TTC39B: variants seen among roughly 807,000 people sequenced by gnomAD.
TTC39B encodes the protein tetratricopeptide repeat domain 39B.
TTC39B carries 92 observed loss-of-function variants against 96.6 expected under a neutral mutation model. That is an observed-to-expected ratio of 0.95 (90% CI 0.80 to 1.13). The LOEUF (loss-of-function observed/expected upper bound fraction) is 1.13, where lower values mean the gene tolerates loss of function less well. TTC39B is among the 50% of genes most tolerant of loss of function. The probability of loss-of-function intolerance (pLI) is 0.00; values close to 1 mark genes in which losing one functional copy is unlikely to be tolerated. For synonymous variants in TTC39B, 367 were observed against 299.4 expected (o/e 1.23, Z -2.33); for missense variants, 955 against 809.3 (o/e 1.18, Z -2.18).
At chr9:15,209,337 G>T (rs1315740522) in intron 6 of TTC39B, among the ~76,000 whole-genome samples, 2 of 152,102 alleles carry the variant, frequency 1.3e-5, no homozygotes, top group Non-Finnish European at 2.9e-5. Flanking sequence ...TCTGATCAGG[G>T]TGCCGCAGCC....
intron 2 of TTC39B, 74 bp downstream of exon 2, chr9:15,267,840 G>A: frequency 7.2e-7 from 1 of 1,379,668 alleles, no homozygotes; most frequent in African/African-American, 1.5e-5. Flanking sequence ...AAATGAGAAT[G>A]AAATATTTAC....
At chr9:15,254,842 CACACACACACACACACACAA>C (rs1428220123) in intron 2 of TTC39B, among the ~76,000 whole-genome samples, 1 of 142,668 alleles carries the variant, frequency 7.0e-6, no homozygotes, top group African/African-American at 2.8e-5. Flanking sequence ...CACACACACA[CACACACACACACACACACAA>C]ACACACACAC....
At chr9:15,212,630 T>C (rs1820273165) in intron 4 of TTC39B, among the ~76,000 whole-genome samples, 1 of 152,126 alleles carries the variant, frequency 6.6e-6, no homozygotes, top group Non-Finnish European at 1.5e-5. Flanking sequence ...TTTCTCCCTG[T>C]TGGTCAGGCT....
At chr9:15,239,109 C>G (rs1821919624) in intron 2 of TTC39B, among the ~76,000 whole-genome samples, 1 of 151,864 alleles carries the variant, frequency 6.6e-6, no homozygotes, top group South Asian at 2.1e-4. Context: ...AAGGCCTGAA[C>G]AGATATTTCT....
At chr9:15,178,107 G>T (rs1278175810) in intron 17 of TTC39B, among the ~76,000 whole-genome samples, 3 of 151,978 alleles carry the variant, frequency 2.0e-5, no homozygotes, top group Non-Finnish European at 2.9e-5. Context: ...CTGACCTCAT[G>T]ATCCACCCAC....
chr9:15,224,434 T>G (rs1159495619), intron 3 of TTC39B: 1 of 152,344 alleles, frequency 6.6e-6, no homozygotes, highest in African/African-American at 2.4e-5. Flanking sequence ...GGTCACTGTC[T>G]CAGCCATGCT....
At chr9:15,285,024 G>C (rs10961956) in intron 1 of TTC39B, among the ~76,000 whole-genome samples, 13,063 of 152,124 alleles carry the variant, frequency 0.086, 860 homozygotes, top group African/African-American at 0.19. Context: ...CACTTTGGGA[G>C]GCCGAGGCGA....
At chr9:15,294,438 TG>T (rs1289470748) in intron 1 of TTC39B, among the ~76,000 whole-genome samples, 2 of 152,212 alleles carry the variant, frequency 1.3e-5, no homozygotes, top group African/African-American at 4.8e-5. Flanking sequence ...TTGACCAAAA[TG>T]TTTGGAGAAA....
At chr9:15,210,191 T>C (rs531328467) in intron 5 of TTC39B, 27 bp from the exon 6 acceptor site, 16 of 1,433,964 alleles carry the variant, frequency 1.1e-5, no homozygotes, top group African/African-American at 7.2e-5. Context: ...AAAAGGGAGA[T>C]AGAAAATAGA....
intron 6 of TTC39B, among the ~76,000 whole-genome samples, chr9:15,208,644 C>T (rs1214221458): frequency 6.6e-6 from 1 of 152,140 alleles, no homozygotes; most frequent in Admixed American, 6.5e-5. Flanking sequence ...TAAATACATT[C>T]TTACAAATAG....
At chr9:15,265,989 T>C (rs1823116181) in intron 2 of TTC39B, among the ~76,000 whole-genome samples, 1 of 152,172 alleles carries the variant, frequency 6.6e-6, no homozygotes, top group Admixed American at 6.5e-5. Context: ...TGTAAAGTGG[T>C]ATCTTGGGTG....
chr9:15,240,908 C>A (rs1822008704), intron 2 of TTC39B, among the ~76,000 whole-genome samples: 1 of 152,168 alleles, frequency 6.6e-6, no homozygotes, highest in East Asian at 1.9e-4. Context: ...TATTCCTGAA[C>A]TGCTTTCAAA....
intron 2 of TTC39B, among the ~76,000 whole-genome samples, chr9:15,234,235 G>T (rs567009860): frequency 6.6e-6 from 1 of 151,662 alleles, no homozygotes; most frequent in African/African-American, 2.4e-5. Context: ...GTCTCTGCCC[G>T]GCAGCCACCC....
At chr9:15,261,989 G>T (rs370738738) in intron 2 of TTC39B, among the ~76,000 whole-genome samples, 1 of 152,140 alleles carries the variant, frequency 6.6e-6, no homozygotes, top group Admixed American at 6.5e-5. Flanking sequence ...TGTTATTTGT[G>T]ACAAATTTCT....
At chr9:15,183,007 A>T (rs1245469527) in intron 16 of TTC39B, among the ~76,000 whole-genome samples, 3 of 152,216 alleles carry the variant, frequency 2.0e-5, no homozygotes, top group African/African-American at 7.2e-5. Context: ...GGGCTACCAG[A>T]TGAGAATTTT....
chr9:15,288,552 C>T (rs1288533271), intron 1 of TTC39B, among the ~76,000 whole-genome samples: 1 of 152,180 alleles, frequency 6.6e-6, no homozygotes, highest in African/African-American at 2.4e-5. Context: ...CTTCCAGCTC[C>T]CCATTCATCC....
intron 3 of TTC39B, 104 bp downstream of exon 3, chr9:15,225,813 G>A: frequency 9.8e-7 from 1 of 1,018,104 alleles, no homozygotes; most frequent in South Asian, 1.8e-5. Context: ...TGACCTCATT[G>A]GTTTGTCAAA....
At chr9:15,180,313 T>C (rs1818181849) in intron 17 of TTC39B, among the ~76,000 whole-genome samples, 1 of 152,254 alleles carries the variant, frequency 6.6e-6, no homozygotes, top group Admixed American at 6.5e-5. Flanking sequence ...TCATAATGTT[T>C]GCTATATAAT....
chr9:15,243,669 G>A (rs1042999574), intron 2 of TTC39B, among the ~76,000 whole-genome samples: 1 of 152,184 alleles, frequency 6.6e-6, no homozygotes, highest in Non-Finnish European at 1.5e-5. Context: ...CAGTGTTTTG[G>A]GAGGCTGAGG....
Sources: gnomAD v4.1 joint callset for allele counts (sites outside exome capture counted in the v4.1 genomes callset) on GRCh38, gnomAD v4.1.1 for gene constraint, MANE v1.5 for transcripts, NCBI Gene and HGNC (gene_info 2026-07-23, HGNC 2026-07-21) for gene names.